PTPRD: variants seen among roughly 807,000 people sequenced by gnomAD.
PTPRD encodes the protein receptor-type tyrosine-protein phosphatase delta.
In PTPRD, 34 loss-of-function variants were observed where a neutral mutation model predicts 214.5. That is an observed-to-expected ratio of 0.16 (90% CI 0.12 to 0.21). PTPRD has a LOEUF of 0.21. Among genes scored for constraint, PTPRD ranks in the 10% least tolerant of loss-of-function variants. PTPRD has a pLI of 1.00. For synonymous variants in PTPRD, 1,128 were observed against 845.7 expected (o/e 1.33, Z -5.79); for missense variants, 2,545 against 2,398.7 (o/e 1.06, Z -1.27).
At chr9:10,060,266 T>C (rs1778517) in intron 3 of PTPRD, among the ~76,000 whole-genome samples, 32,105 of 151,932 alleles carry the variant, frequency 0.21, 8,291 homozygotes, top group African/African-American at 0.62. Context: ...GTTAAAAGAA[T>C]ATTTTTAAAA....
intron 7 of PTPRD, among the ~76,000 whole-genome samples, chr9:9,615,300 T>G (rs888374253): frequency 1.3e-5 from 2 of 152,068 alleles, no homozygotes. Flanking sequence ...TGGACTACCT[T>G]GCACTTCACA....
chr9:9,868,369 T>A (rs10978047), intron 5 of PTPRD, among the ~76,000 whole-genome samples: 12,912 of 152,070 alleles, frequency 0.085, 1,310 homozygotes, highest in African/African-American at 0.25. Context: ...GGAATAAGAA[T>A]TTTTTAACTA....
intron 3 of PTPRD, among the ~76,000 whole-genome samples, chr9:10,190,743 A>AT (rs2099360388): frequency 4.0e-5 from 6 of 149,944 alleles, no homozygotes; most frequent in Middle Eastern, 3.4e-3. Flanking sequence ...AAAAAAAAAA[A>AT]GTCAAAGTGG....
At chr9:8,596,836 G>C (rs1421717091) in intron 14 of PTPRD, among the ~76,000 whole-genome samples, 1 of 152,060 alleles carries the variant, frequency 6.6e-6, no homozygotes, top group African/African-American at 2.4e-5. Flanking sequence ...GGGAAACTAA[G>C]TAAACTTGTG....
intron 44 of PTPRD, among the ~76,000 whole-genome samples, chr9:8,328,180 G>T (rs1224364218): frequency 1.3e-5 from 2 of 152,138 alleles, no homozygotes; most frequent in African/African-American, 2.4e-5. Context: ...CATGTTTAGT[G>T]CTTCCTTCAG....
intron 12 of PTPRD, among the ~76,000 whole-genome samples, chr9:8,730,111 C>A (rs1469492916): frequency 6.6e-6 from 1 of 152,056 alleles, no homozygotes. Context: ...AGAAAATTAG[C>A]CGGGCGAGGT....
At chr9:9,832,474 C>G (rs1385517669) in intron 5 of PTPRD, among the ~76,000 whole-genome samples, 2 of 151,940 alleles carry the variant, frequency 1.3e-5, no homozygotes, top group African/African-American at 4.8e-5. Context: ...TAACAGAACT[C>G]TAATTATTTT....
intron 3 of PTPRD, among the ~76,000 whole-genome samples, chr9:10,043,146 AT>A (rs2097327348): frequency 6.6e-6 from 1 of 152,000 alleles, no homozygotes; most frequent in African/African-American, 2.4e-5. Context: ...GCTATAGAAA[AT>A]AAAATGTTTT....
At chr9:9,592,428 T>G (rs2092826243) in intron 7 of PTPRD, among the ~76,000 whole-genome samples, 2 of 152,170 alleles carry the variant, frequency 1.3e-5, no homozygotes, top group South Asian at 4.1e-4. Context: ...ATATGAAAAA[T>G]AATTGAAGAG....
rs564290362 is a variant in PTPRD, at chr9:8,798,346, C to T, written c.-103-64400G>A. 5.3e-5 allele frequency among the ~76,000 whole-genome samples: 8 copies of T among 152,080 alleles called. No homozygotes were observed. In the South Asian group the frequency reaches 1.2e-3, roughly 24 times the overall value. ...AATCATCACTTTAAAAATTTTTTAA[C>T]AGTTTAAATCATACCAAAGTGCCAA... On this transcript the variant is annotated intron_variant, in intron 11 of 45. Coordinates refer to ENST00000381196, the MANE Select transcript of PTPRD (RefSeq NM_002839.4).
At chr9:9,513,258 T>C (rs936035294) in intron 8 of PTPRD, among the ~76,000 whole-genome samples, 2 of 151,996 alleles carry the variant, frequency 1.3e-5, no homozygotes, top group Admixed American at 1.3e-4. Flanking sequence ...GATAAAACTA[T>C]GTAAGTGCTA....
chr9:8,450,572 T>C (rs1428115496), intron 33 of PTPRD, among the ~76,000 whole-genome samples: 1 of 152,186 alleles, frequency 6.6e-6, no homozygotes, highest in Non-Finnish European at 1.5e-5. Flanking sequence ...TGATAATCAT[T>C]CAAGGTGCCA....
chr9:10,382,434 G>A (rs767320498), intron 2 of PTPRD, among the ~76,000 whole-genome samples: 2 of 151,900 alleles, frequency 1.3e-5, no homozygotes, highest in South Asian at 4.1e-4. Flanking sequence ...GAACTGACTT[G>A]CCATTAGCCA....
At chr9:8,963,411 T>C (rs58943712) in intron 11 of PTPRD, among the ~76,000 whole-genome samples, 8,009 of 152,224 alleles carry the variant, frequency 0.053, 510 homozygotes, top group East Asian at 0.26. Context: ...TTTATACATG[T>C]TTTATGCATT....
intron 6 of PTPRD, among the ~76,000 whole-genome samples, chr9:9,744,826 C>G (rs2098441532): frequency 6.6e-6 from 1 of 151,986 alleles, no homozygotes; most frequent in Non-Finnish European, 1.5e-5. Context: ...CATCACACAG[C>G]TTTTATGTGA....
At chr9:9,042,400 G>T (rs1460505797) in intron 10 of PTPRD, among the ~76,000 whole-genome samples, 2 of 152,080 alleles carry the variant, frequency 1.3e-5, no homozygotes, top group Admixed American at 6.6e-5. Context: ...GTGCCAGGAG[G>T]CAGGAGAACA....
intron 10 of PTPRD, among the ~76,000 whole-genome samples, chr9:9,134,060 T>TGACTCTC (rs1592171016): frequency 8.6e-6 from 1 of 116,744 alleles, no homozygotes; most frequent in African/African-American, 4.0e-5. Flanking sequence ...GAATCATTCT[T>TGACTCTC]TTTTTTTTTT....
chr9:9,184,834 T>A (rs947906283), intron 9 of PTPRD, among the ~76,000 whole-genome samples: 25 of 152,092 alleles, frequency 1.6e-4, no homozygotes, highest in African/African-American at 5.6e-4. Flanking sequence ...ATAAGATGTA[T>A]CATGAAAATT....
chr9:9,204,360 A>G (rs1275577136), intron 9 of PTPRD, among the ~76,000 whole-genome samples: 1 of 152,170 alleles, frequency 6.6e-6, no homozygotes, highest in Non-Finnish European at 1.5e-5. Context: ...TTTCTTACTT[A>G]TCATCACAAA....
Sources: allele counts gnomAD v4.1 joint callset (sites outside exome capture counted in the v4.1 genomes callset), GRCh38; gene constraint gnomAD v4.1.1; transcripts MANE v1.5; gene names NCBI Gene and HGNC (gene_info 2026-07-23, HGNC 2026-07-21).